Variants in TCF7L2 observed in about 807,000 individuals in gnomAD.
TCF7L2 encodes the protein transcription factor 7-like 2.
A neutral mutation model predicts 77.9 loss-of-function variants in TCF7L2; 23 were observed. The observed-to-expected ratio is 0.30, with a 90% CI of 0.21 to 0.42. The LOEUF is 0.42. Among genes scored for constraint, TCF7L2 ranks in the 10% least tolerant of loss-of-function variants. The pLI is 1.00. For missense variants in TCF7L2, 654 were observed against 793.1 expected (o/e 0.82, Z 2.11); for synonymous variants, 413 against 340.2 (o/e 1.21, Z -2.36).
At position 113,165,873 on chromosome 10, in the gene TCF7L2, A is replaced by G. The variant is rs1308135107; in HGVS notation, c.1710A>G (p.Ser570=). The stretch of plus-strand genomic sequence containing the variant: ...CTTTGCAGCCTGCCGCCCCCTCCTC[A>G]TCAATTGCACAGCCGTCGACTTCTT... The change falls in exon 14 of 14, where the codon TCA becomes TCG. Residue 570 remains serine (S), a synonymous_variant. Coordinates refer to ENST00000627217, the MANE Select transcript of TCF7L2 (RefSeq NM_001146274.2). The G allele has an allele frequency of 1.2e-6, 2 of 1,602,478 alleles. No individual in the cohort carries two copies. Among genetic ancestry groups the G allele is most frequent in the Non-Finnish European group, 1.7e-6 (2 of 1,174,148 alleles).
rs2137155580 is a variant in TCF7L2 at position 113,151,880 on chromosome 10, G to T, written c.1157G>T (p.Arg386Leu). The change falls in exon 10 of 14, where the codon CGG (arginine) becomes CTG (leucine). Residue 386 changes from arginine to leucine, a missense_variant. By Grantham distance (102) the Arg-to-Leu change is moderately radical. Transcript: ENST00000627217. The surrounding 1 kb of genome is among the most constrained non-coding windows in gnomAD (Gnocchi z 5.2). ...GCGGCCATCAACCAGATCCTTGGGC[G>T]GAGGGTAGGTGACGCCCTTCTCAGG... 6.2e-7 allele frequency: 1 copy of T among 1,601,670 alleles called. No homozygotes were observed. The highest frequency in any genetic ancestry group is 2.2e-5 in the East Asian group (1 of 44,778).
At chr10:113,134,256 G>A (rs1837070906) in intron 5 of TCF7L2, among the ~76,000 whole-genome samples, 1 of 152,018 alleles carries the variant, frequency 6.6e-6, no homozygotes, top group African/African-American at 2.4e-5. Context: ...ATGCTCTGAG[G>A]AAGCCCACCC....
At chr10:113,044,084 A>AT (rs1202695267) in intron 5 of TCF7L2, among the ~76,000 whole-genome samples, 6 of 152,054 alleles carry the variant, frequency 3.9e-5, no homozygotes, top group African/African-American at 1.4e-4. Context: ...CTTGGGGTGG[A>AT]TTTTTTGTAC....
chr10:113,102,660 A>C (rs2061799373), intron 5 of TCF7L2, among the ~76,000 whole-genome samples: 1 of 152,030 alleles, frequency 6.6e-6, no homozygotes, highest in Non-Finnish European at 1.5e-5. Context: ...TCCCGACCTC[A>C]GGTGATCTGT....
chr10:113,014,526 C>T (rs1405160826), intron 4 of TCF7L2, among the ~76,000 whole-genome samples: 2 of 152,186 alleles, frequency 1.3e-5, no homozygotes, highest in East Asian at 1.9e-4. Flanking sequence ...GGCGTGGTGG[C>T]GCATGCCTGT....
chr10:113,140,970 A>G (rs2068264264), intron 5 of TCF7L2, among the ~76,000 whole-genome samples: 1 of 152,190 alleles, frequency 6.6e-6, no homozygotes, highest in African/African-American at 2.4e-5. Context: ...TAGTGGGGAA[A>G]TAAAAACTAA....
rs114003267 is a variant in TCF7L2, at chr10:113,131,870, T to C, written c.553-9314T>C. Among the ~76,000 whole-genome samples, 713 of 152,320 alleles carry C rather than the reference T, an allele frequency of 4.7e-3. 7 individuals carry two copies. Among genetic ancestry groups the C allele is most frequent in the African/African-American group, 0.016 (677 of 41,580 alleles). ...CGTAGTTCTGCACACATTTGAGGATTTTTGAAAAAATTCAACTTTGCCTGG... is the reference window on the plus strand; with the variant it reads ...CGTAGTTCTGCACACATTTGAGGATCTTTGAAAAAATTCAACTTTGCCTGG... On this transcript the variant is annotated intron_variant, in intron 5 of 13. Transcript: ENST00000627217.
intron 3 of TCF7L2, among the ~76,000 whole-genome samples, chr10:112,955,990 C>G (rs373754328): frequency 6.6e-6 from 1 of 152,012 alleles, no homozygotes; most frequent in Non-Finnish European, 1.5e-5. Context: ...GCCTAGATTT[C>G]TCGGTGGAGA....
At chr10:112,964,677 G>C (rs1339576299) in intron 4 of TCF7L2, 53 bp downstream of exon 4, 5 of 1,508,324 alleles carry the variant, frequency 3.3e-6, no homozygotes, top group Non-Finnish European at 4.6e-6. Context: ...TAGGTCTCTT[G>C]TGTGTTTTAT....
At chr10:112,996,689 C>T (rs573901414) in intron 4 of TCF7L2, among the ~76,000 whole-genome samples, 3 of 152,232 alleles carry the variant, frequency 2.0e-5, no homozygotes, top group African/African-American at 7.2e-5. Context: ...AGCCTGAAGG[C>T]CAATGTGTAG....
intron 5 of TCF7L2, among the ~76,000 whole-genome samples, chr10:113,123,748 AGAG>A (rs1158851014): frequency 6.6e-6 from 1 of 152,200 alleles, no homozygotes; most frequent in Non-Finnish European, 1.5e-5. Flanking sequence ...AAGGAGTGCT[AGAG>A]GAGAAGTCTT....
intron 4 of TCF7L2, among the ~76,000 whole-genome samples, chr10:113,015,625 G>A (rs1256956435): frequency 2.6e-5 from 4 of 152,090 alleles, no homozygotes; most frequent in South Asian, 2.1e-4. Context: ...ACAGGCATGC[G>A]CCACCACTCC....
chr10:113,025,142 T>A lies in TCF7L2; in HGVS notation c.451-14883T>A, dbSNP rs570344688. On this transcript the variant is annotated intron_variant, in intron 4 of 13. Transcript: ENST00000627217. The stretch of plus-strand genomic sequence containing the variant: ...GCACAATCACAGCTCACTGCAACCA[T>A]GACCTCCTGGGCTCAAGTGATCCTC... 4.4e-4 allele frequency among the ~76,000 whole-genome samples: 66 copies of A among 151,658 alleles called. No individual in the cohort carries two copies. In the South Asian group the frequency reaches 0.014, roughly 32 times the overall value.
At chr10:113,137,240 G>T (rs1020977839) in intron 5 of TCF7L2, among the ~76,000 whole-genome samples, 2 of 152,138 alleles carry the variant, frequency 1.3e-5, no homozygotes, top group African/African-American at 4.8e-5. Flanking sequence ...GTGGAATCAT[G>T]GCTGTGTATC....
chr10:113,136,129 C>G, intron 5 of TCF7L2, among the ~76,000 whole-genome samples: 1 of 152,108 alleles, frequency 6.6e-6, no homozygotes, highest in South Asian at 2.1e-4. Context: ...CTTTACCTAC[C>G]GCGTGGAACT....
At chr10:113,085,387 A>T (rs2059732915) in intron 5 of TCF7L2, among the ~76,000 whole-genome samples, 2 of 152,122 alleles carry the variant, frequency 1.3e-5, no homozygotes, top group Middle Eastern at 3.4e-3. Context: ...ACATTATTTC[A>T]TACAAAATTC....
At chr10:112,978,837 A>G (rs950503399) in intron 4 of TCF7L2, among the ~76,000 whole-genome samples, 3 of 151,926 alleles carry the variant, frequency 2.0e-5, no homozygotes, top group African/African-American at 7.3e-5. Context: ...ATATACATAT[A>G]TATTTTTATT....
At position 112,950,659 on chromosome 10, in the gene TCF7L2, AT is replaced by A; in HGVS notation, c.-92del. ...CTTGGACTCGTCTTTTTCTTGCAAT[AT>A]TTTTTGGGGGGGCAAAACTTTTTGG... On this transcript the variant is annotated 5_prime_UTR_variant, in exon 1 of 14. Coordinates refer to ENST00000627217, the MANE Select transcript of TCF7L2 (RefSeq NM_001146274.2). 1 of 1,415,592 alleles carries A rather than the reference AT, an allele frequency of 7.1e-7. No individual in the cohort carries two copies. Among genetic ancestry groups the A allele is most frequent in the Non-Finnish European group, 9.4e-7 (1 of 1,063,084 alleles). 87.7% of individuals were successfully genotyped at this position (1,415,592 alleles called of 1,614,324 possible).
At chr10:112,957,604 T>C (rs535597442) in intron 3 of TCF7L2, among the ~76,000 whole-genome samples, 12 of 152,172 alleles carry the variant, frequency 7.9e-5, no homozygotes, top group Non-Finnish European at 1.5e-4. Flanking sequence ...GGAATTGAAA[T>C]TGGAGATTGG....
Sources: gnomAD v4.1 joint callset for allele counts (sites outside exome capture counted in the v4.1 genomes callset) on GRCh38, gnomAD v4.1.1 for gene constraint, Gnocchi (gnomAD v3.1) non-coding constraint, MANE v1.5 for transcripts, NCBI Gene and HGNC (gene_info 2026-07-23, HGNC 2026-07-21) for gene names.